ZBTB49: variants seen among roughly 807,000 people sequenced by gnomAD.
ZBTB49 encodes the protein zinc finger and BTB domain-containing protein 49.
In ZBTB49, 43 loss-of-function variants were observed where a neutral mutation model predicts 57.5. The ratio of observed to expected loss-of-function variants is 0.75; its 90% CI spans 0.59 to 0.97. ZBTB49 has a LOEUF of 0.97. Ranked by LOEUF, ZBTB49 falls within the 50% of genes least tolerant of loss-of-function variation. The pLI is 0.00. For synonymous variants in ZBTB49, 369 were observed against 362.1 expected (o/e 1.02, Z -0.22); for missense variants, 938 against 947.7 (o/e 0.99, Z 0.13).
rs1720398886 is a variant in ZBTB49, at chr4:4,299,873, G to A, written c.-19-54G>A. The A allele has an allele frequency of 5.8e-6, 9 of 1,554,946 alleles. No homozygotes were observed. The South Asian group carries it at 1.0e-4, about 18-fold the overall frequency. On this transcript the variant is annotated intron_variant, in intron 1 of 7. Transcript: ENST00000337872. ...AATCAGTAAGTTTCAGTCCCATTTA[G>A]TTTCCAGTGAGGTCCTTAAGAATAT...
chr4:4,320,749 G>A lies in ZBTB49; in HGVS notation c.1731G>A (p.Val577=). ...ICNKCFTRSA[V]LRRHKKMHCK... ...ACAAGTGCTTTACCCGCTCTGCGGT[G>A]CTCCGGCGGCACAAGAAGATGCACT... Residue 577 remains valine (V), a synonymous_variant, in exon 8 of 8, where the codon GTG becomes GTA. Coordinates refer to ENST00000337872, the MANE Select transcript of ZBTB49 (RefSeq NM_145291.4). 6.2e-7 allele frequency: 1 copy of A among 1,614,246 alleles called. No individual in the cohort carries two copies. The highest frequency in any genetic ancestry group is 8.5e-7 in the Non-Finnish European group (1 of 1,180,044).
chr4:4,296,528 C>G (rs975528411), intron 1 of ZBTB49, among the ~76,000 whole-genome samples: 5 of 152,224 alleles, frequency 3.3e-5, no homozygotes, highest in African/African-American at 1.2e-4. Context: ...ACTTGCTCCT[C>G]CTTGCCTTTC....
intron 1 of ZBTB49, among the ~76,000 whole-genome samples, chr4:4,294,872 C>CGTGTATGTGTGTGTGTGTGTGTGT: frequency 7.2e-6 from 1 of 138,128 alleles, no homozygotes; most frequent in East Asian, 2.2e-4. Flanking sequence ...AGGAGGGTTT[C>CGTGTATGTGTGTGTGTGTGTGTGT]GTGTGTGTGT....
At chr4:4,314,174 T>C (rs1721095094) in intron 5 of ZBTB49, among the ~76,000 whole-genome samples, 1 of 152,232 alleles carries the variant, frequency 6.6e-6, no homozygotes, top group African/African-American at 2.4e-5. Flanking sequence ...CCCTTTCTGC[T>C]GTAGCTACCT....
chr4:4,306,146 C>A lies in ZBTB49; in HGVS notation c.1264C>A (p.Pro422Thr). ...LHKRSHTGEK[P>T]FECNICGKHF... ...GTTTTGTTTTGTTTTAGGTGAGAAA[C>A]CTTTTGAATGTAACATTTGTGGGAA... Residue 422 changes from proline to threonine, a missense_variant, in exon 4 of 8, where the codon CCT becomes ACT. This residue lies in a region of ZBTB49 where 835 missense variants were observed against 819.1 expected (regional missense o/e 1.02). Coordinates refer to ENST00000337872, the MANE Select transcript of ZBTB49 (RefSeq NM_145291.4). 1 of 1,612,410 alleles carries A rather than the reference C, an allele frequency of 6.2e-7. No homozygotes were observed. The highest frequency in any genetic ancestry group is 1.1e-5 in the South Asian group (1 of 90,750).
chr4:4,299,141 A>G (rs1445601374), intron 1 of ZBTB49, among the ~76,000 whole-genome samples: 1 of 152,150 alleles, frequency 6.6e-6, no homozygotes, highest in Admixed American at 6.5e-5. Flanking sequence ...TGTCCCCTCT[A>G]GGATGTCATC....
Position 4,302,797 on chromosome 4 carries a change from G to A in ZBTB49, c.961G>A (p.Ala321Thr), listed in dbSNP as rs750086879. 15 of 1,614,100 alleles carry A rather than the reference G, an allele frequency of 9.3e-6. No individual in the cohort carries two copies. The highest frequency in any genetic ancestry group is 2.2e-5 in the East Asian group (1 of 44,888). ...KLNFLKSQKY[A>T]EQVSEPKSDD... The stretch of plus-strand genomic sequence containing the variant: ...CAATTTCCTGAAGTCACAGAAATAC[G>A]CAGAGCAAGTATCTGAACCCAAGTC... Residue 321 changes from alanine (A) to threonine (T), a missense_variant, in exon 3 of 8, where the codon GCA (alanine) becomes ACA (threonine). This residue lies in a region of ZBTB49 where 835 missense variants were observed against 819.1 expected (regional missense o/e 1.02). Coordinates refer to ENST00000337872, the MANE Select transcript of ZBTB49 (RefSeq NM_145291.4).
Position 4,310,253 on chromosome 4 carries a change from A to G in ZBTB49, c.1303-2788A>G, listed in dbSNP as rs866262784. On this transcript the variant is annotated intron_variant, in intron 4 of 7. Coordinates refer to ENST00000337872, the MANE Select transcript of ZBTB49 (RefSeq NM_145291.4). ...GGATCAAAGTTCCTTTACTGCTAATATCGTTAACATAGGTTTAACAGTCCA... is the reference window on the plus strand; with the variant it reads ...GGATCAAAGTTCCTTTACTGCTAATGTCGTTAACATAGGTTTAACAGTCCA... Among the ~76,000 whole-genome samples, 32 of 152,342 alleles carry G rather than the reference A, an allele frequency of 2.1e-4. No individual in the cohort carries two copies. The East Asian group carries it at 3.1e-3, about 15-fold the overall frequency.
chr4:4,290,937 A>G (rs1236866061), intron 1 of ZBTB49, among the ~76,000 whole-genome samples: 1 of 152,218 alleles, frequency 6.6e-6, no homozygotes, highest in Non-Finnish European at 1.5e-5. Flanking sequence ...CTTAGTAAGT[A>G]CTCAATAAAC....
intron 3 of ZBTB49, among the ~76,000 whole-genome samples, chr4:4,303,760 CTGTGTGTGTG>C (rs1553805028): frequency 8.9e-4 from 108 of 121,270 alleles, no homozygotes; most frequent in Middle Eastern, 4.7e-3. Flanking sequence ...CTCTCTCTCT[CTGTGTGTGTG>C]TCTCTCTCTC....
intron 3 of ZBTB49, among the ~76,000 whole-genome samples, chr4:4,304,207 A>T (rs940201159): frequency 6.0e-5 from 9 of 151,206 alleles, no homozygotes; most frequent in Non-Finnish European, 1.5e-5. Flanking sequence ...AATCTCCTAC[A>T]GCCTAATGAT....
At chr4:4,295,048 A>G (rs1269312683) in intron 1 of ZBTB49, among the ~76,000 whole-genome samples, 2 of 152,134 alleles carry the variant, frequency 1.3e-5, no homozygotes, top group African/African-American at 4.8e-5. Flanking sequence ...TAAAGTCTCC[A>G]TATCTTAATT....
rs769459955 is a variant in ZBTB49, at chr4:4,320,939, G to A, written c.1921G>A (p.Val641Met). 3.1e-6 allele frequency: 5 copies of A among 1,614,108 alleles called. No individual in the cohort carries two copies. In the Admixed American group the frequency reaches 6.7e-5, roughly 22 times the overall value. The change falls in exon 8 of 8, where the codon GTG (valine) becomes ATG (methionine). Residue 641 changes from valine (V) to methionine (M), a missense_variant. Physicochemically the swap from Val to Met is conservative, Grantham distance 21. Transcript: ENST00000337872. ...KLPVHPVENS[V>M]AEFDSHSGGS... ...CCCTGTCCACCCAGTGGAAAATTCT[G>A]TGGCAGAATTTGATAGCCACTCTGG...
chr4:4,313,032 T>C lies in ZBTB49; in HGVS notation c.1303-9T>C, dbSNP rs377573703. 2 of 1,613,686 alleles carry C rather than the reference T, an allele frequency of 1.2e-6. No homozygotes were observed. Among genetic ancestry groups the C allele is most frequent in the Non-Finnish European group, 1.7e-6 (2 of 1,179,912 alleles). On this transcript the variant is annotated splice_polypyrimidine_tract_variant and intron_variant, in intron 4 of 7. Coordinates refer to ENST00000337872, the MANE Select transcript of ZBTB49 (RefSeq NM_145291.4). ...TTATTGGTGTGTTTTTCTTTTCCTC[T>C]TTTTGCAGGCAGGTAACTTGCAGAC...
chr4:4,315,741 T>G (rs771918573), intron 6 of ZBTB49, 23 bp downstream of exon 6: 176 of 1,522,800 alleles, frequency 1.2e-4, no homozygotes, highest in Non-Finnish European at 1.5e-4. Context: ...GTTTTCCTAT[T>G]CTTCTTGAAG....
chr4:4,292,946 CT>C (rs1299338072), intron 1 of ZBTB49, among the ~76,000 whole-genome samples: 4 of 152,132 alleles, frequency 2.6e-5, no homozygotes, highest in African/African-American at 7.2e-5. Flanking sequence ...TTTCTTGTTT[CT>C]TTTCCCCCCA....
At chr4:4,315,173 AACTC>A (rs1455334675) in intron 5 of ZBTB49, among the ~76,000 whole-genome samples, 1 of 152,210 alleles carries the variant, frequency 6.6e-6, no homozygotes, top group Non-Finnish European at 1.5e-5. Flanking sequence ...ACCAGGGCAG[AACTC>A]ACTCTGGGCC....
chr4:4,290,864 C>G (rs1719866858), intron 1 of ZBTB49, among the ~76,000 whole-genome samples: 1 of 152,262 alleles, frequency 6.6e-6, no homozygotes, highest in South Asian at 2.1e-4. Flanking sequence ...GCACCTGCGT[C>G]CCTGGAACCT....
intron 3 of ZBTB49, among the ~76,000 whole-genome samples, chr4:4,303,754 C>CTG (rs1436001121): frequency 1.5e-5 from 1 of 67,820 alleles, no homozygotes; most frequent in Non-Finnish European, 3.3e-5. Flanking sequence ...CTCTCTCTCT[C>CTG]TCTCTCTGTG....
Sources: gnomAD v4.1 joint callset for allele counts (sites outside exome capture counted in the v4.1 genomes callset) on GRCh38, gnomAD v4.1.1 for gene constraint, gnomAD v4.1.1 regional missense constraint, MANE v1.5 for transcripts, NCBI Gene and HGNC (gene_info 2026-07-23, HGNC 2026-07-21) for gene names.